WNK1: variants seen among roughly 807,000 people sequenced by gnomAD.
The protein encoded by WNK1 is WNK lysine deficient protein kinase 1.
A neutral mutation model predicts 222.8 loss-of-function variants in WNK1; 38 were observed. The observed-to-expected ratio is 0.17, with a 90% CI of 0.13 to 0.22. The LOEUF (loss-of-function observed/expected upper bound fraction) is 0.22, where lower values mean the gene tolerates loss of function less well. Among genes scored for constraint, WNK1 ranks in the 10% least tolerant of loss-of-function variants. The pLI is 1.00. For missense variants in WNK1, 2,348 were observed against 2,918.4 expected (o/e 0.80, Z 4.50); for synonymous variants, 1,090 against 1,092.9 (o/e 1.00, Z 0.05).
Position 881,925 on chromosome 12 carries a change from T to A in WNK1, c.3224T>A (p.Val1075Asp). 2 of 1,614,198 alleles carry A rather than the reference T, an allele frequency of 1.2e-6. No individual in the cohort carries two copies. Among genetic ancestry groups the A allele is most frequent in the African/African-American group, 1.3e-5 (1 of 75,042 alleles). Reference sequence around the variant, plus strand: ...AAATTTCAAAGTGCACATTCAGATGTTGCTTCAGGTATGAGTGATGGCAAT... The same window carrying A: ...AAATTTCAAAGTGCACATTCAGATGATGCTTCAGGTATGAGTGATGGCAAT... ...ASSVDSAHSDVASGMSDGNEN... is the reference protein window; with the variant it reads ...ASSVDSAHSDDASGMSDGNEN... The change falls in exon 14 of 28, where the codon GTT becomes GAT. Residue 1075 changes from valine to aspartate, a missense_variant. Coordinates refer to ENST00000315939, the MANE Select transcript of WNK1 (RefSeq NM_018979.4).
chr12:805,202 G>C (rs1591782546), intron 1 of WNK1, among the ~76,000 whole-genome samples: 1 of 152,140 alleles, frequency 6.6e-6, no homozygotes, highest in East Asian at 1.9e-4. Context: ...GAACTATCGT[G>C]CTCTTTTCCA....
At chr12:808,247 C>T (rs1946563596) in intron 1 of WNK1, among the ~76,000 whole-genome samples, 1 of 151,994 alleles carries the variant, frequency 6.6e-6, no homozygotes, top group Admixed American at 6.5e-5. Flanking sequence ...TTTTGCTATG[C>T]AATAGATACT....
intron 23 of WNK1, among the ~76,000 whole-genome samples, chr12:895,102 G>A (rs754574425): frequency 1.1e-4 from 16 of 152,050 alleles, no homozygotes; most frequent in South Asian, 4.1e-4. Context: ...TAAAATAATT[G>A]TCCTAAGATT....
chr12:777,090 A>G (rs747659574), intron 1 of WNK1, among the ~76,000 whole-genome samples: 78 of 150,496 alleles, frequency 5.2e-4, no homozygotes, highest in Admixed American at 1.3e-3. Context: ...TTAACTTTTT[A>G]GTTACTTTTC....
Position 868,245 on chromosome 12 carries a change from A to C in WNK1, c.2140-3020A>C, listed in dbSNP as rs764243416. 6 of 1,603,542 alleles carry C rather than the reference A, an allele frequency of 3.7e-6. No individual in the cohort carries two copies. Among genetic ancestry groups the C allele is most frequent in the Non-Finnish European group, 5.1e-6 (6 of 1,174,324 alleles). On this transcript the variant is annotated intron_variant, in intron 8 of 27. Transcript: ENST00000315939. ...AGACCTGGACTAGTACTTCCAGAAG[A>C]AGCTCACTATTTTATTCCTCAGGAA...
At chr12:849,405 T>C (rs1404765787) in intron 4 of WNK1, among the ~76,000 whole-genome samples, 2 of 152,168 alleles carry the variant, frequency 1.3e-5, no homozygotes, top group Non-Finnish European at 2.9e-5. Flanking sequence ...CAATCTTTGT[T>C]AATGCCCTGA....
At chr12:791,258 TACAC>T (rs1565435619) in intron 1 of WNK1, among the ~76,000 whole-genome samples, 1 of 128,074 alleles carries the variant, frequency 7.8e-6, no homozygotes, top group African/African-American at 2.8e-5. Context: ...CACACACACA[TACAC>T]AAAATTATGA....
At chr12:858,006 G>A (rs11615237) in intron 5 of WNK1, among the ~76,000 whole-genome samples, 65,771 of 152,028 alleles carry the variant, frequency 0.43, 15,555 homozygotes, top group East Asian at 0.81. Flanking sequence ...CCGAATTAAA[G>A]AATTCCATCT....
chr12:865,076 GT>G (rs1379860068), intron 8 of WNK1: 1 of 1,481,176 alleles, frequency 6.8e-7, no homozygotes, highest in East Asian at 2.5e-5. Context: ...TCACAGTACT[GT>G]GTTTTTCATG....
intron 8 of WNK1, among the ~76,000 whole-genome samples, chr12:864,008 A>T (rs1452042337): frequency 6.6e-6 from 1 of 152,158 alleles, no homozygotes; most frequent in Non-Finnish European, 1.5e-5. Context: ...ATAGTTCACA[A>T]CATCTAAAAG....
At chr12:856,628 T>A (rs1056299204) in intron 4 of WNK1, among the ~76,000 whole-genome samples, 1 of 152,226 alleles carries the variant, frequency 6.6e-6, no homozygotes, top group Admixed American at 6.5e-5. Flanking sequence ...CATTGTGTTT[T>A]ATTTGTGCAG....
At chr12:754,665 C>A (rs1287693902) in intron 1 of WNK1, among the ~76,000 whole-genome samples, 1 of 152,140 alleles carries the variant, frequency 6.6e-6, no homozygotes, top group African/African-American at 2.4e-5. Context: ...CTGTGCATTT[C>A]AATCTCATCA....
chr12:860,922 A>G, intron 6 of WNK1, 91 bp from the exon 7 acceptor site: 1 of 1,107,920 alleles, frequency 9.0e-7, no homozygotes, highest in Non-Finnish European at 1.2e-6. Flanking sequence ...CTTTTTTTAC[A>G]ATGCCTTTTT....
chr12:817,291 G>A (rs982113008), intron 2 of WNK1, among the ~76,000 whole-genome samples: 7 of 152,114 alleles, frequency 4.6e-5, no homozygotes, highest in Non-Finnish European at 7.4e-5. Context: ...AGCCGAGATC[G>A]TGCCTCTGCA....
chr12:855,652 TTA>T (rs1484184213), intron 4 of WNK1, among the ~76,000 whole-genome samples: 1 of 152,200 alleles, frequency 6.6e-6, no homozygotes, highest in Admixed American at 6.5e-5. Flanking sequence ...TCCCTTTGTT[TTA>T]TGTGTCTGTT....
At chr12:857,653 CT>C (rs772899043) in intron 5 of WNK1, among the ~76,000 whole-genome samples, 7 of 152,210 alleles carry the variant, frequency 4.6e-5, no homozygotes, top group Non-Finnish European at 1.0e-4. Flanking sequence ...TATTACAGGT[CT>C]GATTTGCCGT....
Position 896,488 on chromosome 12 carries a change from C to T in WNK1, c.6001C>T (p.Leu2001=), listed in dbSNP as rs1172060756. ...AVIPKKEKPE[L]SEPSHLNGPS... is the part of the protein sequence containing the mutation. ...GATACCAAAGAAAGAGAAGCCTGAACTGTCAGAGCCTTCACATCTAAATGG... is the reference window on the plus strand; with the variant it reads ...GATACCAAAGAAAGAGAAGCCTGAATTGTCAGAGCCTTCACATCTAAATGG... Residue 2001 remains leucine (L), a synonymous_variant, in exon 24 of 28, where the codon CTG becomes TTG. Transcript: ENST00000315939. The T allele has an allele frequency of 6.2e-7, 1 of 1,613,838 alleles. No homozygotes were observed. The highest frequency in any genetic ancestry group is 1.3e-5 in the African/African-American group (1 of 74,844).
At chr12:810,094 AC>A (rs1472581049) in intron 1 of WNK1, among the ~76,000 whole-genome samples, 2 of 152,168 alleles carry the variant, frequency 1.3e-5, no homozygotes, top group African/African-American at 4.8e-5. Flanking sequence ...TACTAAAAAT[AC>A]AAAAATTAGC....
chr12:868,196 C>G, intron 8 of WNK1: 1 of 1,613,698 alleles, frequency 6.2e-7, no homozygotes, highest in Non-Finnish European at 8.5e-7. Context: ...TATGTTTGAA[C>G]CATCTCAAGT....
Sources: allele counts gnomAD v4.1 joint callset (sites outside exome capture counted in the v4.1 genomes callset), GRCh38; gene constraint gnomAD v4.1.1; transcripts MANE v1.5; gene names NCBI Gene and HGNC (gene_info 2026-07-23, HGNC 2026-07-21).